Variants in PITPNM3 observed in about 807,000 individuals in gnomAD.
The protein encoded by PITPNM3 is PITPNM family member 3.
A neutral mutation model predicts 102.0 loss-of-function variants in PITPNM3; 26 were observed. The ratio of observed to expected loss-of-function variants is 0.25; its 90% CI spans 0.19 to 0.35. The LOEUF is 0.35. Among genes scored for constraint, PITPNM3 ranks in the 10% least tolerant of loss-of-function variants. The pLI, the probability that PITPNM3 is intolerant of heterozygous loss-of-function variation, is 1.00. For missense variants in PITPNM3, 1,083 were observed against 1,346.1 expected, an observed-to-expected ratio of 0.80 and a Z score of 3.06; for synonymous variants, 578 against 558.6, an observed-to-expected ratio of 1.03 and a Z score of -0.49.
rs138806157 is a variant in PITPNM3, at chr17:6,464,307, T to C, written c.2019A>G (p.Leu673=). The C allele has an allele frequency of 1.9e-5, 31 of 1,613,852 alleles. No individual in the cohort carries two copies. The African/African-American group carries it at 3.9e-4, about 20-fold the overall frequency. The change falls in exon 16 of 20, where the codon CTA becomes CTG. Residue 673 remains leucine, a synonymous_variant. Coordinates refer to ENST00000262483, the MANE Select transcript of PITPNM3 (RefSeq NM_031220.4). Reference sequence around the variant, plus strand: ...GGCCTGAGGATGGCTCTGCCATTACTAGGATGTCCACCTGCGGCAGTGAAG... The same window carrying C: ...GGCCTGAGGATGGCTCTGCCATTACCAGGATGTCCACCTGCGGCAGTGAAG... ...VALTGEKVDI[L]VMAEPSSGRW...
chr17:6,556,329 G>T lies in PITPNM3; in HGVS notation c.22+56C>A. 7.2e-7 allele frequency: 1 copy of T among 1,380,008 alleles called. No homozygotes were observed. Among genetic ancestry groups the T allele is most frequent in the South Asian group, 1.5e-5 (1 of 68,074 alleles). 85.5% of individuals were successfully genotyped at this position (1,380,008 alleles called of 1,614,324 possible). A position where few individuals can be genotyped will look rare whatever the true frequency, so the allele number is the denominator to read the frequency against. On this transcript the variant is annotated intron_variant, in intron 1 of 19. Transcript: ENST00000262483. The surrounding 1 kb of genome is among the most constrained non-coding windows in gnomAD (Gnocchi z 5.2). Reference sequence around the variant, plus strand: ...ACCTGGGCCGGCGGCCCCTCCTCTAGACGCGCGAGTCCCTCCCCCGGGCCC... The same window carrying T: ...ACCTGGGCCGGCGGCCCCTCCTCTATACGCGCGAGTCCCTCCCCCGGGCCC...
At position 6,505,190 on chromosome 17, in the gene PITPNM3, AATAAAATATAT is replaced by A. The variant is rs1478449223; in HGVS notation, c.227-1627_227-1617del. Among the ~76,000 whole-genome samples, 42 of 109,498 alleles carry A rather than the reference AATAAAATATAT, an allele frequency of 3.8e-4. 1 individual carries two copies. The highest frequency in any genetic ancestry group is 1.4e-3 in the African/African-American group (41 of 30,256). The allele number at this position is 109,498 out of a possible 152,430, so 71.8% of individuals were successfully genotyped here. A position where few individuals can be genotyped will look rare whatever the true frequency, so the allele number is the denominator to read the frequency against. On this transcript the variant is annotated intron_variant, in intron 3 of 19. Coordinates refer to ENST00000262483, the MANE Select transcript of PITPNM3 (RefSeq NM_031220.4). Reference sequence around the variant, plus strand: ...GACTCCGTCTCCAAAAAAGAAGACAAATAAAATATATATATATATATATATGTAAAGCCTTC... The same window carrying A: ...GACTCCGTCTCCAAAAAAGAAGACAAATATATATATATATGTAAAGCCTTC...
chr17:6,519,451 G>A (rs954619066), intron 3 of PITPNM3, among the ~76,000 whole-genome samples: 8 of 151,668 alleles, frequency 5.3e-5, no homozygotes, highest in South Asian at 2.1e-4. Flanking sequence ...CCTGGGAGGC[G>A]GGGCTTGCAG....
intron 4 of PITPNM3, among the ~76,000 whole-genome samples, chr17:6,493,020 T>C: frequency 6.6e-6 from 1 of 151,872 alleles, no homozygotes; most frequent in South Asian, 2.1e-4. Context: ...ACACAGCATC[T>C]GCCTTCAAAG....
intron 3 of PITPNM3, among the ~76,000 whole-genome samples, chr17:6,507,098 G>A (rs1470993910): frequency 6.6e-6 from 1 of 152,116 alleles, no homozygotes; most frequent in Non-Finnish European, 1.5e-5. Context: ...GGCTTGGAGG[G>A]AGGCCAGCGG....
At chr17:6,456,616 T>G (rs1455977040) in intron 19 of PITPNM3, among the ~76,000 whole-genome samples, 2 of 152,144 alleles carry the variant, frequency 1.3e-5, no homozygotes, top group Non-Finnish European at 2.9e-5. Context: ...GTGATGCTTG[T>G]GCACTTCAGA....
intron 17 of PITPNM3, among the ~76,000 whole-genome samples, chr17:6,463,174 C>T (rs536077108): frequency 6.6e-6 from 1 of 152,284 alleles, no homozygotes; most frequent in East Asian, 1.9e-4. Context: ...CCAAAACCGT[C>T]ACTGTTACTG....
At chr17:6,503,913 C>CTTTGAGGG in intron 3 of PITPNM3, among the ~76,000 whole-genome samples, 1 of 152,018 alleles carries the variant, frequency 6.6e-6, no homozygotes, top group Non-Finnish European at 1.5e-5. Context: ...TCACTCTCTC[C>CTTTGAGGG]TCTGAGGGTC....
chr17:6,504,192 C>T (rs1907352429), intron 3 of PITPNM3, among the ~76,000 whole-genome samples: 1 of 152,106 alleles, frequency 6.6e-6, no homozygotes, highest in Admixed American at 6.5e-5. Flanking sequence ...CCAAGGGACT[C>T]GAGAATCCTT....
At chr17:6,475,640 G>A (rs1019072751) in intron 9 of PITPNM3, among the ~76,000 whole-genome samples, 34 of 152,176 alleles carry the variant, frequency 2.2e-4, no homozygotes, top group African/African-American at 5.3e-4. Context: ...CATGTACAGC[G>A]TGGTCCCTAA....
chr17:6,505,197 T>A lies in PITPNM3; in HGVS notation c.227-1623A>T, dbSNP rs536863181. The stretch of plus-strand genomic sequence containing the variant: ...TCTCCAAAAAAGAAGACAAATAAAA[T>A]ATATATATATATATATATGTAAAGC... On this transcript the variant is annotated intron_variant, in intron 3 of 19. Transcript: ENST00000262483. Among the ~76,000 whole-genome samples, 134 of 145,896 alleles carry A rather than the reference T, an allele frequency of 9.2e-4. 2 individuals are homozygous for A. In the South Asian group the frequency reaches 0.012, roughly 14 times the overall value.
rs762778551 is a variant in PITPNM3, at chr17:6,537,962, T to C, written c.118+25A>G. On this transcript the variant is annotated intron_variant, in intron 2 of 19. Coordinates refer to ENST00000262483, the MANE Select transcript of PITPNM3 (RefSeq NM_031220.4). The surrounding 1 kb of genome is among the most constrained non-coding windows in gnomAD (Gnocchi z 4.4). ...GCTTCTAGGAAGGTCACCCAGCCAG[T>C]GATATGAGACTGGGGTTCACTCACC... The C allele has an allele frequency of 1.9e-6, 3 of 1,582,822 alleles. No individual in the cohort carries two copies. The highest frequency in any genetic ancestry group is 2.2e-5 in the East Asian group (1 of 44,690).
Position 6,464,766 on chromosome 17 carries a change from G to A in PITPNM3, c.1896C>T (p.Val632=). The A allele has an allele frequency of 1.2e-6, 2 of 1,614,156 alleles. No homozygotes were observed. Among genetic ancestry groups the A allele is most frequent in the Non-Finnish European group, 1.7e-6 (2 of 1,180,030 alleles). ...CATCATTGGCCCGGTGATTAGCCGT[G>A]ACATTCTGGAAGGACAGAAAGAAGC... The part of the protein sequence containing the change: ...RKRTQVKLRN[V]TANHRANDVI... The change falls in exon 15 of 20, where the codon GTC becomes GTT. Residue 632 remains valine (V), a synonymous_variant. Transcript: ENST00000262483.
chr17:6,540,023 G>A (rs1320937925), intron 1 of PITPNM3, among the ~76,000 whole-genome samples: 1 of 152,182 alleles, frequency 6.6e-6, no homozygotes, highest in African/African-American at 2.4e-5. Flanking sequence ...TACATGCACG[G>A]TTTAGATCCA....
intron 4 of PITPNM3, among the ~76,000 whole-genome samples, chr17:6,501,154 G>A (rs12940672): frequency 0.22 from 33,982 of 152,090 alleles, 3,903 homozygotes; most frequent in South Asian, 0.31. Flanking sequence ...GCCCCATGTC[G>A]GGTGGCTGTT....
chr17:6,502,131 T>G (rs1426135512), intron 4 of PITPNM3, among the ~76,000 whole-genome samples: 1 of 152,172 alleles, frequency 6.6e-6, no homozygotes, highest in African/African-American at 2.4e-5. Flanking sequence ...GTCTATGAAA[T>G]TGCCATTGAA....
intron 15 of PITPNM3, 48 bp from the exon 16 acceptor site, chr17:6,464,366 C>T: frequency 6.2e-7 from 1 of 1,602,304 alleles, no homozygotes; most frequent in Non-Finnish European, 8.5e-7. Flanking sequence ...TGAGGGGCTA[C>T]AGGCTTGGCA....
At chr17:6,529,979 G>GC (rs1909055874) in intron 2 of PITPNM3, among the ~76,000 whole-genome samples, 2 of 152,234 alleles carry the variant, frequency 1.3e-5, no homozygotes, top group Admixed American at 1.3e-4. Context: ...GCACACCTGT[G>GC]CTTTGCTTCT....
chr17:6,547,199 T>C (rs780444806), intron 1 of PITPNM3, among the ~76,000 whole-genome samples: 6 of 150,362 alleles, frequency 4.0e-5, no homozygotes, highest in East Asian at 1.9e-4. Flanking sequence ...CGCCTGTTTC[T>C]AGGGGTAAGG....
Sources: allele counts gnomAD v4.1 joint callset (sites outside exome capture counted in the v4.1 genomes callset), GRCh38; gene constraint gnomAD v4.1.1; non-coding constraint Gnocchi (gnomAD v3.1); transcripts MANE v1.5; gene names NCBI Gene and HGNC (gene_info 2026-07-23, HGNC 2026-07-21).